Variants in CSMD3 observed in about 807,000 individuals in gnomAD.
CSMD3 encodes the protein CUB and sushi domain-containing protein 3.
A neutral mutation model predicts 435.2 loss-of-function variants in CSMD3; 177 were observed. The observed-to-expected ratio is 0.41, with a 90% CI of 0.36 to 0.46. The LOEUF is 0.46. Among genes scored for constraint, CSMD3 ranks in the 20% least tolerant of loss-of-function variants. The pLI, the probability that CSMD3 is intolerant of heterozygous loss-of-function variation, is 0.34. For synonymous variants in CSMD3, 1,656 were observed against 1,520.5 expected, an observed-to-expected ratio of 1.09 and a Z score of -2.07; for missense variants, 4,265 against 4,504.6, an observed-to-expected ratio of 0.95 and a Z score of 1.52.
intron 8 of CSMD3, 21 bp from the exon 9 acceptor site, chr8:112,947,898 G>GA (rs750183977): frequency 7.8e-6 from 8 of 1,021,724 alleles, no homozygotes; most frequent in East Asian, 2.4e-5. Context: ...AGGGAAAAAA[G>GA]AAAAAAGAAA....
chr8:112,741,345 T>C (rs768054419), intron 13 of CSMD3, among the ~76,000 whole-genome samples: 33 of 151,982 alleles, frequency 2.2e-4, no homozygotes, highest in African/African-American at 8.0e-4. Context: ...AATGGGTATA[T>C]GAAAAGATAC....
At chr8:113,230,038 TA>T (rs1293445275) in intron 3 of CSMD3, among the ~76,000 whole-genome samples, 1 of 151,662 alleles carries the variant, frequency 6.6e-6, no homozygotes, top group Non-Finnish European at 1.5e-5. Context: ...AAGAGATTGT[TA>T]AATAGAGTTA....
intron 2 of CSMD3, chr8:113,313,722 T>C (rs941507249): frequency 2.0e-5 from 3 of 152,130 alleles, no homozygotes; most frequent in African/African-American, 7.2e-5. Flanking sequence ...AGTCTTTAAT[T>C]CCTACATGTT....
At chr8:112,369,220 GA>G (rs1461140226) in intron 38 of CSMD3, among the ~76,000 whole-genome samples, 1 of 151,466 alleles carries the variant, frequency 6.6e-6, no homozygotes, top group African/African-American at 2.4e-5. Context: ...ATTTTAAAAG[GA>G]AAAATATATG....
intron 32 of CSMD3, among the ~76,000 whole-genome samples, chr8:112,431,593 A>G (rs1005252038): frequency 2.6e-5 from 4 of 152,120 alleles, no homozygotes; most frequent in African/African-American, 9.7e-5. Flanking sequence ...GAACAGCGAA[A>G]TGATGGATGA....
chr8:112,685,337 C>T (rs574256997), intron 15 of CSMD3, 69 bp downstream of exon 15: 165 of 1,283,448 alleles, frequency 1.3e-4, no homozygotes, highest in Non-Finnish European at 1.8e-4. Context: ...AACCAATATA[C>T]ATGATCACTT....
chr8:113,076,264 T>C (rs1193206408), intron 5 of CSMD3, among the ~76,000 whole-genome samples: 1 of 151,728 alleles, frequency 6.6e-6, no homozygotes, highest in Non-Finnish European at 1.5e-5. Flanking sequence ...AATTATCCTT[T>C]TGAAGTTGAT....
intron 3 of CSMD3, among the ~76,000 whole-genome samples, chr8:113,261,055 A>G (rs935540576): frequency 6.6e-6 from 1 of 152,156 alleles, no homozygotes; most frequent in East Asian, 1.9e-4. Context: ...GTGTCTTTAC[A>G]GTGGAATGGA....
At chr8:113,302,461 A>G (rs1278197746) in intron 2 of CSMD3, among the ~76,000 whole-genome samples, 1 of 150,978 alleles carries the variant, frequency 6.6e-6, no homozygotes, top group Non-Finnish European at 1.5e-5. Flanking sequence ...CTTCCTTCAG[A>G]ATATCAAATA....
chr8:112,865,386 T>C (rs2080948775), intron 10 of CSMD3, among the ~76,000 whole-genome samples: 1 of 152,150 alleles, frequency 6.6e-6, no homozygotes, highest in Non-Finnish European at 1.5e-5. Flanking sequence ...CTGAAGTACC[T>C]TTTTCACTCT....
chr8:113,344,261 A>T (rs1375991124), intron 1 of CSMD3, among the ~76,000 whole-genome samples: 1 of 152,156 alleles, frequency 6.6e-6, no homozygotes, highest in Non-Finnish European at 1.5e-5. Flanking sequence ...ACTGCTTAAA[A>T]GCCTAAAACC....
chr8:112,683,631 T>C (rs924833821), intron 15 of CSMD3, among the ~76,000 whole-genome samples: 24 of 152,078 alleles, frequency 1.6e-4, no homozygotes, highest in Non-Finnish European at 1.9e-4. Context: ...TTGTGTATTA[T>C]AAAATTTTAA....
intron 10 of CSMD3, among the ~76,000 whole-genome samples, chr8:112,916,703 T>C (rs1009548635): frequency 6.6e-6 from 1 of 151,910 alleles, no homozygotes; most frequent in African/African-American, 2.4e-5. Flanking sequence ...GGCAAAATTT[T>C]CTAATTACCT....
chr8:112,342,608 A>G (rs1825229295), intron 41 of CSMD3, among the ~76,000 whole-genome samples: 1 of 152,114 alleles, frequency 6.6e-6, no homozygotes, highest in Non-Finnish European at 1.5e-5. Flanking sequence ...AGACACATGT[A>G]AAGTTTACAC....
Position 112,336,662 on chromosome 8 carries a change from T to C in CSMD3, c.7009A>G (p.Ile2337Val). 6.2e-7 allele frequency: 1 copy of C among 1,608,570 alleles called. No individual in the cohort carries two copies. Among genetic ancestry groups the C allele is most frequent in the Non-Finnish European group, 8.5e-7 (1 of 1,175,140 alleles). ...VLQTEPIYDF[I>V]TVWDGPDQNS... ...ATAGTCCTGACTTACCATACAGTAA[T>C]GAAATCATATATTGGTTCTGTTTGA... The change falls in exon 44 of 71, where the codon ATT becomes GTT. Residue 2337 changes from isoleucine to valine, a missense_variant. Transcript: ENST00000297405.
At chr8:113,060,750 A>G (rs1315922950) in intron 5 of CSMD3, among the ~76,000 whole-genome samples, 1 of 152,156 alleles carries the variant, frequency 6.6e-6, no homozygotes, top group Non-Finnish European at 1.5e-5. Flanking sequence ...ATATTGCAGA[A>G]GCTGTGCATG....
chr8:113,317,359 C>T (rs377148481), intron 1 of CSMD3, among the ~76,000 whole-genome samples: 3 of 152,090 alleles, frequency 2.0e-5, no homozygotes, highest in Admixed American at 2.0e-4. Context: ...ATCTGATCTA[C>T]GGGCTGTTTT....
At chr8:112,840,261 G>A (rs1484028366) in intron 11 of CSMD3, among the ~76,000 whole-genome samples, 2 of 151,822 alleles carry the variant, frequency 1.3e-5, no homozygotes, top group African/African-American at 2.4e-5. Flanking sequence ...TTTTGATAGG[G>A]ATTTTGTAGA....
chr8:112,376,976 T>C (rs1044417400), intron 38 of CSMD3, among the ~76,000 whole-genome samples: 1 of 152,116 alleles, frequency 6.6e-6, no homozygotes, highest in Non-Finnish European at 1.5e-5. Flanking sequence ...ATTTTATGTG[T>C]GAAATGACAC....
Sources: allele counts gnomAD v4.1 joint callset (sites outside exome capture counted in the v4.1 genomes callset), GRCh38; gene constraint gnomAD v4.1.1; transcripts MANE v1.5; gene names NCBI Gene and HGNC (gene_info 2026-07-23, HGNC 2026-07-21).